The following BRD4 variants were observed in gnomAD, a reference collection of about 807,000 sequenced individuals.
BRD4 encodes bromodomain-containing protein 4.
BRD4 carries 16 observed loss-of-function variants against 142.1 expected under a neutral mutation model. The ratio of observed to expected loss-of-function variants is 0.11; its 90% confidence interval spans 0.08 to 0.17. The LOEUF (loss-of-function observed/expected upper bound fraction) is 0.17. Ranked by LOEUF, BRD4 falls within the 10% of genes least tolerant of loss-of-function variation. BRD4 has a pLI of 1.00. For missense variants in BRD4, 1,424 were observed against 1,810.9 expected (o/e 0.79, Z 3.88); for synonymous variants, 833 against 707.5 (o/e 1.18, Z -2.82).
chr19:15,248,762 T>C (rs1427431570), intron 11 of BRD4: 1 of 229,316 alleles, frequency 4.4e-6, no homozygotes, highest in African/African-American at 2.2e-5. Flanking sequence ...TCCCACTCCT[T>C]ATCTAGGACA....
rs1167196627 is a variant in BRD4, at chr19:15,279,228, G to A, written c.-34-6095C>T. ...TATTAGGGATAGACAGTACTTAACAGAGAACACAACTGTAATGTTTTATAA... is the reference window on the plus strand; with the variant it reads ...TATTAGGGATAGACAGTACTTAACAAAGAACACAACTGTAATGTTTTATAA... On this transcript the variant is annotated intron_variant, in intron 1 of 19. Coordinates refer to ENST00000679869, the MANE Select transcript of BRD4 (RefSeq NM_001379291.1). 3.9e-5 allele frequency among the ~76,000 whole-genome samples: 6 copies of A among 152,316 alleles called. No individual in the cohort carries two copies. The East Asian group carries it at 5.8e-4, about 15-fold the overall frequency.
At chr19:15,254,000 A>G (rs1017599748) in intron 11 of BRD4, 152 bp downstream of exon 11, 10 of 730,020 alleles carry the variant, frequency 1.4e-5, no homozygotes, top group Non-Finnish European at 1.8e-5. Flanking sequence ...GGCCCCAGGG[A>G]GACAGTTAAC....
intron 7 of BRD4, among the ~76,000 whole-genome samples, chr19:15,260,662 C>CT (rs1475870241): frequency 6.6e-6 from 1 of 152,174 alleles, no homozygotes; most frequent in Non-Finnish European, 1.5e-5. Context: ...CCTGTGTCCA[C>CT]TCCAGTCCGG....
intron 1 of BRD4, among the ~76,000 whole-genome samples, chr19:15,324,556 G>A (rs1263841229): frequency 2.0e-5 from 3 of 152,168 alleles, no homozygotes; most frequent in African/African-American, 7.2e-5. Context: ...CCTTCCTGGG[G>A]ACCAGAATCC....
At position 15,263,567 on chromosome 19, in the gene BRD4, C is replaced by A. The variant is rs756276214; in HGVS notation, c.1213-19G>T. ...GTTTAGACTGGAAAACAAGACAAGT[C>A]CCTGTTAGCTGTGTCTGCCCATGTG... On this transcript the variant is annotated intron_variant, in intron 6 of 19. Transcript: ENST00000679869. 3 of 1,613,652 alleles carry A rather than the reference C, an allele frequency of 1.9e-6. No homozygotes were observed. The highest frequency in any genetic ancestry group is 2.7e-5 in the African/African-American group (2 of 74,944).
intron 1 of BRD4, among the ~76,000 whole-genome samples, chr19:15,274,633 CCTATA>C (rs2047626520): frequency 6.6e-6 from 1 of 152,172 alleles, no homozygotes; most frequent in Non-Finnish European, 1.5e-5. Flanking sequence ...GGAAGCAGAC[CCTATA>C]AATTTTCCAT....
chr19:15,306,045 C>T lies in BRD4; in HGVS notation c.-35+26245G>A, dbSNP rs563183397. On this transcript the variant is annotated intron_variant, in intron 1 of 19. Coordinates refer to ENST00000679869, the MANE Select transcript of BRD4 (RefSeq NM_001379291.1). ...TCCAAAGAATTGAATAGAGTTACTA[C>T]GGCCTTGCTAGATTAGGCTTTGGCT... Among the ~76,000 whole-genome samples the T allele has an allele frequency of 1.4e-4, 21 of 152,330 alleles. No individual in the cohort carries two copies. The South Asian group carries it at 2.1e-3, about 15-fold the overall frequency.
At chr19:15,293,679 C>T (rs1257191163) in intron 1 of BRD4, among the ~76,000 whole-genome samples, 1 of 152,160 alleles carries the variant, frequency 6.6e-6, no homozygotes, top group Non-Finnish European at 1.5e-5. Context: ...TAAAATCCGC[C>T]ATTTTAACCA....
At chr19:15,243,568 T>C in intron 13 of BRD4, 81 bp from the exon 14 acceptor site, 1 of 1,445,874 alleles carries the variant, frequency 6.9e-7, no homozygotes. Context: ...CCTGACCTCA[T>C]CTGGACTCCA....
At chr19:15,296,926 C>CA in intron 1 of BRD4, among the ~76,000 whole-genome samples, 1 of 152,056 alleles carries the variant, frequency 6.6e-6, no homozygotes, top group East Asian at 1.9e-4. Flanking sequence ...CGGCAGAAGC[C>CA]CCCCCCACCA....
chr19:15,332,253 A>C (rs2145034080), intron 1 of BRD4, 37 bp downstream of exon 1: 1 of 145,696 alleles, frequency 6.9e-6, no homozygotes, highest in African/African-American at 2.5e-5. Context: ...CCAGCCGCCC[A>C]GTGTCGTCCG....
intron 14 of BRD4, among the ~76,000 whole-genome samples, chr19:15,240,761 G>C (rs1426357962): frequency 1.3e-5 from 2 of 152,216 alleles, no homozygotes; most frequent in Non-Finnish European, 2.9e-5. Context: ...TGGAGCAGCT[G>C]AGTCCTACCC....
intron 11 of BRD4, chr19:15,249,102 T>C (rs1354109977): frequency 2.0e-6 from 2 of 1,009,414 alleles, no homozygotes; most frequent in Non-Finnish European, 2.9e-6. Flanking sequence ...AAGGCGGGAC[T>C]AGGCGTGTGC....
At position 15,295,081 on chromosome 19, in the gene BRD4, A is replaced by G. The variant is rs191337450; in HGVS notation, c.-34-21948T>C. Among the ~76,000 whole-genome samples, 3 of 152,342 alleles carry G rather than the reference A, an allele frequency of 2.0e-5. No individual in the cohort carries two copies. The East Asian group carries it at 5.8e-4, about 29-fold the overall frequency. On this transcript the variant is annotated intron_variant, in intron 1 of 19. Coordinates refer to ENST00000679869, the MANE Select transcript of BRD4 (RefSeq NM_001379291.1). ...ATAAAAGGGGGCAACAGCCCAGAAAACAAACCATATTGTTGAAGTTGAACC... is the reference window on the plus strand; with the variant it reads ...ATAAAAGGGGGCAACAGCCCAGAAAGCAAACCATATTGTTGAAGTTGAACC...
chr19:15,310,471 C>G (rs1876675210), intron 1 of BRD4, among the ~76,000 whole-genome samples: 1 of 150,326 alleles, frequency 6.7e-6, no homozygotes, highest in Non-Finnish European at 1.5e-5. Flanking sequence ...CGCCATTCTC[C>G]TGCCTCAGCT....
At chr19:15,289,149 C>T (rs903025233) in intron 1 of BRD4, among the ~76,000 whole-genome samples, 2 of 152,174 alleles carry the variant, frequency 1.3e-5, no homozygotes, top group African/African-American at 4.8e-5. Context: ...CAACTAGTGC[C>T]CTAAGCCAGA....
At position 15,238,621 on chromosome 19, in the gene BRD4, T is replaced by G; in HGVS notation, c.4020+122A>C. ...CTACAGCTGAGTCCAGAGGACCACATGCCGACCAGCAGGGACGGGGCTCCC... is the reference window on the plus strand; with the variant it reads ...CTACAGCTGAGTCCAGAGGACCACAGGCCGACCAGCAGGGACGGGGCTCCC... On this transcript the variant is annotated intron_variant, in intron 19 of 19. Coordinates refer to ENST00000679869, the MANE Select transcript of BRD4 (RefSeq NM_001379291.1). This position sits in a 1 kb window ranked among gnomAD's most constrained non-coding sequence, Gnocchi z 7.2. 6.8e-7 allele frequency: 1 copy of G among 1,462,370 alleles called. No homozygotes were observed. Among genetic ancestry groups the G allele is most frequent in the Non-Finnish European group, 9.1e-7 (1 of 1,104,376 alleles). 90.6% of individuals were successfully genotyped at this position (1,462,370 alleles called of 1,614,324 possible). A position where few individuals can be genotyped will look rare whatever the true frequency, so the allele number is the denominator to read the frequency against.
Position 15,265,360 on chromosome 19 carries a change from A to G in BRD4, c.843T>C (p.Pro281=). ...CAGAGTCCAGGAGACTCACCTTCAC[A>G]GGCTGTGGGGTGGCCGCGATGATGG... ...HPPIIAATPQ[P]VKTKKGVKRK... Residue 281 remains proline (P), a synonymous_variant, in exon 5 of 20, where the codon CCT becomes CCC. Transcript: ENST00000679869. 6.7e-7 allele frequency: 1 copy of G among 1,499,326 alleles called. No homozygotes were observed. Among genetic ancestry groups the G allele is most frequent in the Middle Eastern group, 2.5e-4 (1 of 3,964 alleles). 92.9% of individuals were successfully genotyped at this position (1,499,326 alleles called of 1,614,324 possible). A position where few individuals can be genotyped will look rare whatever the true frequency, so the allele number is the denominator to read the frequency against.
At chr19:15,264,216 C>T (rs935186690) in intron 6 of BRD4, 188 bp downstream of exon 6, 7 of 706,502 alleles carry the variant, frequency 9.9e-6, no homozygotes, top group African/African-American at 1.8e-5. Flanking sequence ...TGGCCAAGCA[C>T]CAGGTCTCAG....
Sources: allele counts gnomAD v4.1 joint callset (sites outside exome capture counted in the v4.1 genomes callset), GRCh38; gene constraint gnomAD v4.1.1; non-coding constraint Gnocchi (gnomAD v3.1); transcripts MANE v1.5; gene names NCBI Gene and HGNC (gene_info 2026-07-23, HGNC 2026-07-21).